DNAH7: variants seen among roughly 807,000 people sequenced by gnomAD.
The protein encoded by DNAH7 is dynein axonemal heavy chain 7, also known as axonemal beta dynein heavy chain 7.
Under a neutral mutation model 444.6 loss-of-function variants are expected in DNAH7, and 397 were observed. The ratio of observed to expected loss-of-function variants is 0.89; its 90% confidence interval spans 0.82 to 0.97. DNAH7 has a LOEUF of 0.97. Ranked by LOEUF, DNAH7 falls within the 50% of genes least tolerant of loss-of-function variation. The pLI, the probability that DNAH7 is intolerant of heterozygous loss-of-function variation, is 0.00. For missense variants in DNAH7, 4,902 were observed against 4,800.8 expected, an observed-to-expected ratio of 1.02 and a Z score of -0.62; for synonymous variants, 1,636 against 1,624.4, an observed-to-expected ratio of 1.01 and a Z score of -0.17.
At chr2:195,945,328 T>C (rs767923683) in intron 19 of DNAH7, among the ~76,000 whole-genome samples, 1 of 152,186 alleles carries the variant, frequency 6.6e-6, no homozygotes, top group Non-Finnish European at 1.5e-5. Context: ...TTGGAAATAC[T>C]GAGTTCAACA....
intron 63 of DNAH7, among the ~76,000 whole-genome samples, chr2:195,742,178 G>T (rs990856411): frequency 3.3e-5 from 5 of 152,294 alleles, no homozygotes; most frequent in African/African-American, 1.2e-4. Context: ...GGAGAGATGG[G>T]TCTGCAGAGC....
At chr2:195,806,664 G>A in intron 54 of DNAH7, 76 bp downstream of exon 54, 1 of 1,252,004 alleles carries the variant, frequency 8.0e-7, no homozygotes, top group Non-Finnish European at 1.1e-6. Flanking sequence ...GATTACATAA[G>A]GAAACGCACA....
intron 63 of DNAH7, among the ~76,000 whole-genome samples, chr2:195,750,041 A>G (rs1428654428): frequency 6.6e-6 from 1 of 152,162 alleles, no homozygotes; most frequent in Non-Finnish European, 1.5e-5. Context: ...AGCCTGGACC[A>G]ACACTGTGGT....
At chr2:195,976,786 A>AGAGAGAGAGAGAGAGG (rs1243336641) in intron 15 of DNAH7, among the ~76,000 whole-genome samples, 6 of 147,522 alleles carry the variant, frequency 4.1e-5, no homozygotes, top group South Asian at 2.1e-4. Context: ...AGAGAGAGAG[A>AGAGAGAGAGAGAGAGG]GACTCTCTAA....
At chr2:196,051,119 A>C in intron 3 of DNAH7, 68 bp downstream of exon 3, 1 of 1,426,654 alleles carries the variant, frequency 7.0e-7, no homozygotes, top group East Asian at 2.3e-5. Context: ...ACTTATTTTC[A>C]AGTTAGAAAA....
intron 46 of DNAH7, among the ~76,000 whole-genome samples, chr2:195,852,023 G>C (rs528297828): frequency 1.9e-4 from 29 of 152,192 alleles, no homozygotes; most frequent in Admixed American, 1.5e-3. Context: ...CTTTGGGAGG[G>C]CAAGGTGGGC....
Position 195,834,354 on chromosome 2 carries a change from T to C in DNAH7, c.8952A>G (p.Ala2984=). 6.3e-7 allele frequency: 1 copy of C among 1,590,464 alleles called. No homozygotes were observed. Among genetic ancestry groups the C allele is most frequent in the Non-Finnish European group, 8.6e-7 (1 of 1,162,342 alleles). ...SIDNGIIIMN[A]RRWPLMIDPQ... ...GATCTATCATCAGAGGCCACCTTCT[T>C]GCATTCCTGAAAAGGAGGAGAAAGA... Residue 2984 remains alanine (A), a synonymous_variant, in exon 48 of 65, where the codon GCA becomes GCG. Transcript: ENST00000312428.
Position 196,001,626 on chromosome 2 carries a change from AAAAT to A in DNAH7, c.1173+45_1173+48del, listed in dbSNP as rs1461699979. ...GTTATTTTCCTCTCTGAAATAATTA[AAAAT>A]AAATAAATTTGTAAATACATATTGG... On this transcript the variant is annotated intron_variant, in intron 11 of 64. Transcript: ENST00000312428. 5 of 1,406,072 alleles carry A rather than the reference AAAAT, an allele frequency of 3.6e-6. No individual in the cohort carries two copies. The South Asian group carries it at 8.6e-5, about 24-fold the overall frequency. 87.1% of individuals were successfully genotyped at this position (1,406,072 alleles called of 1,614,324 possible).
At chr2:195,966,252 G>T (rs572190782) in intron 17 of DNAH7, among the ~76,000 whole-genome samples, 8 of 152,188 alleles carry the variant, frequency 5.3e-5, no homozygotes, top group Admixed American at 2.0e-4. Flanking sequence ...CTATGTGTTT[G>T]TATAGTTTCC....
chr2:195,788,068 A>C lies in DNAH7; in HGVS notation c.10717-897T>G, dbSNP rs184322488. Among the ~76,000 whole-genome samples the C allele has an allele frequency of 1.1e-3, 165 of 152,348 alleles. 1 individual carries two copies. Among genetic ancestry groups the C allele is most frequent in the Non-Finnish European group, 1.9e-3 (127 of 68,028 alleles). On this transcript the variant is annotated intron_variant, in intron 57 of 64. Transcript: ENST00000312428. ...CCAAAGGTGACAGAGTCACAGTCAC[A>C]GAAGTCCAGCAGGGGAGCCTAAGGA...
intron 47 of DNAH7, among the ~76,000 whole-genome samples, chr2:195,836,020 C>G (rs1698354022): frequency 6.6e-6 from 1 of 152,142 alleles, no homozygotes; most frequent in Non-Finnish European, 1.5e-5. Flanking sequence ...CCCTGAAAGT[C>G]CAAGACTAAG....
In DNAH7 at chr2:195,990,867, ATACT is replaced by A. The variant is rs1693270067; in HGVS notation, c.1354-2642_1354-2639del. Among the ~76,000 whole-genome samples the A allele has an allele frequency of 1.3e-4, 18 of 143,678 alleles. 1 individual carries two copies. In the South Asian group the frequency reaches 3.0e-3, roughly 24 times the overall value. 94.3% of individuals were successfully genotyped at this position (143,678 alleles called of 152,430 possible). A position where few individuals can be genotyped will look rare whatever the true frequency, so the allele number is the denominator to read the frequency against. On this transcript the variant is annotated intron_variant, in intron 12 of 64. Coordinates refer to ENST00000312428, the MANE Select transcript of DNAH7 (RefSeq NM_018897.3). ...TATATACTTAAATATATATACATAT[ATACT>A]TAAATATATACATATATACTTATAT...
intron 2 of DNAH7, among the ~76,000 whole-genome samples, chr2:196,056,551 C>G (rs1349476775): frequency 6.6e-6 from 1 of 152,048 alleles, no homozygotes; most frequent in African/African-American, 2.4e-5. Flanking sequence ...GGATGGGAGT[C>G]AACATCCCCA....
intron 10 of DNAH7, among the ~76,000 whole-genome samples, chr2:196,010,143 T>C (rs1694639262): frequency 6.6e-6 from 1 of 151,442 alleles, no homozygotes; most frequent in Non-Finnish European, 1.5e-5. Flanking sequence ...TTCTTCTTCT[T>C]TCTCTCTCTT....
At chr2:196,023,396 T>A (rs980478978) in intron 8 of DNAH7, among the ~76,000 whole-genome samples, 3 of 152,254 alleles carry the variant, frequency 2.0e-5, no homozygotes, top group African/African-American at 7.2e-5. Flanking sequence ...CTGGTATTTC[T>A]TTAAGGCAAC....
chr2:195,852,940 A>G (rs1699469400), intron 46 of DNAH7, among the ~76,000 whole-genome samples: 1 of 150,758 alleles, frequency 6.6e-6, no homozygotes, highest in Non-Finnish European at 1.5e-5. Context: ...AGAGAGAGAG[A>G]GAGAGAGACA....
intron 54 of DNAH7, among the ~76,000 whole-genome samples, chr2:195,801,414 T>G (rs7574951): frequency 0.12 from 17,972 of 152,112 alleles, 1,396 homozygotes; most frequent in African/African-American, 0.22. Flanking sequence ...CCTTACAGTT[T>G]AAAATTAAAC....
chr2:195,894,817 A>C, intron 30 of DNAH7, 159 bp downstream of exon 30: 1 of 666,312 alleles, frequency 1.5e-6, no homozygotes. Context: ...TGAACTTCCT[A>C]TTTGCTTCAT....
intron 27 of DNAH7, chr2:195,901,290 T>C (rs987839798): frequency 1.1e-4 from 16 of 152,072 alleles, no homozygotes; most frequent in Non-Finnish European, 1.5e-4. Context: ...TGTTTGTCAA[T>C]CATACTTCAA....
Sources: gnomAD v4.1 joint callset for allele counts (sites outside exome capture counted in the v4.1 genomes callset) on GRCh38, gnomAD v4.1.1 for gene constraint, MANE v1.5 for transcripts, NCBI Gene and HGNC (gene_info 2026-07-23, HGNC 2026-07-21) for gene names.